MEGF11: variants seen among roughly 807,000 people sequenced by gnomAD.
MEGF11 encodes multiple epidermal growth factor-like domains protein 11.
Under a neutral mutation model 146.6 loss-of-function variants are expected in MEGF11, and 126 were observed. The observed-to-expected ratio is 0.86, with a 90% confidence interval of 0.74 to 1.00. MEGF11 has a LOEUF of 1.00. Among genes scored for constraint, MEGF11 ranks in the 50% least tolerant of loss-of-function variants. MEGF11 has a pLI of 0.00. For synonymous variants in MEGF11, 532 were observed against 583.4 expected, an observed-to-expected ratio of 0.91 and a Z score of 1.27; for missense variants, 1,509 against 1,521.2, an observed-to-expected ratio of 0.99 and a Z score of 0.13.
intron 1 of MEGF11, among the ~76,000 whole-genome samples, chr15:66,137,815 T>G (rs2088963574): frequency 6.6e-6 from 1 of 152,110 alleles, no homozygotes; most frequent in Admixed American, 6.5e-5. Context: ...CCCAAAGTGC[T>G]GGGATTACAG....
At position 65,982,128 on chromosome 15, in the gene MEGF11, A is replaced by C; in HGVS notation, c.641+114T>G. 82 of 1,224,342 alleles carry C rather than the reference A, an allele frequency of 6.7e-5. No homozygotes were observed. Among genetic ancestry groups the C allele is most frequent in the East Asian group, 3.8e-4 (10 of 26,142 alleles). 75.8% of individuals were successfully genotyped at this position (1,224,342 alleles called of 1,614,324 possible). On this transcript the variant is annotated intron_variant, in intron 6 of 25. Transcript: ENST00000395614. The surrounding 1 kb of genome is among the most constrained non-coding windows in gnomAD (Gnocchi z 5.6). ...CTGGGCGTGCAGCTGCGGTGAGGGC[A>C]GCCACTCCAGGCCCCGCCCCAGCCC...
chr15:65,944,158 G>A (rs1218818547), intron 10 of MEGF11, among the ~76,000 whole-genome samples: 2 of 152,172 alleles, frequency 1.3e-5, no homozygotes, highest in Admixed American at 6.5e-5. Context: ...GTTAGGAGGT[G>A]GCAGGGTGGG....
chr15:65,978,793 T>C (rs2081536383), intron 7 of MEGF11, among the ~76,000 whole-genome samples: 1 of 152,178 alleles, frequency 6.6e-6, no homozygotes, highest in Admixed American at 6.5e-5. Context: ...GACAGACAGA[T>C]GGACAGACAG....
intron 8 of MEGF11, among the ~76,000 whole-genome samples, chr15:65,970,054 T>A (rs2081251688): frequency 6.6e-6 from 1 of 152,306 alleles, no homozygotes; most frequent in African/African-American, 2.4e-5. Context: ...TTATCCACTC[T>A]GCAAGGCTGG....
chr15:66,121,906 T>G (rs1408006367), intron 3 of MEGF11, among the ~76,000 whole-genome samples: 1 of 152,174 alleles, frequency 6.6e-6, no homozygotes, highest in African/African-American at 2.4e-5. Context: ...AGGAACATAA[T>G]AGAATCCGGT....
At position 66,230,156 on chromosome 15, in the gene MEGF11, A is replaced by G. The variant is rs556654415; in HGVS notation, c.-9+23449T>C. Among the ~76,000 whole-genome samples the G allele has an allele frequency of 1.7e-3, 258 of 152,220 alleles. 2 individuals are homozygous for G. Among genetic ancestry groups the G allele is most frequent in the African/African-American group, 6.0e-3 (251 of 41,554 alleles). ...GCCTCCGAGCCCAGGCAAGCTCACAAACTAGCTGGGTAGAGGGGACTCTCT... is the reference window on the plus strand; with the variant it reads ...GCCTCCGAGCCCAGGCAAGCTCACAGACTAGCTGGGTAGAGGGGACTCTCT... On this transcript the variant is annotated intron_variant, in intron 1 of 25. Transcript: ENST00000395614.
At chr15:65,914,320 T>G (rs1730215036) in intron 19 of MEGF11, among the ~76,000 whole-genome samples, 1 of 152,182 alleles carries the variant, frequency 6.6e-6, no homozygotes, top group Non-Finnish European at 1.5e-5. Flanking sequence ...AACCAATTTA[T>G]CAAAAGGTTA....
intron 10 of MEGF11, among the ~76,000 whole-genome samples, chr15:65,944,467 G>C (rs2080118637): frequency 6.6e-6 from 1 of 152,176 alleles, no homozygotes; most frequent in Non-Finnish European, 1.5e-5. Context: ...GGGGCTGCAG[G>C]GTAAGGCAGT....
intron 4 of MEGF11, among the ~76,000 whole-genome samples, chr15:66,111,034 G>C (rs2087369504): frequency 6.6e-6 from 1 of 152,144 alleles, no homozygotes; most frequent in Non-Finnish European, 1.5e-5. Context: ...ACTGTAGGAG[G>C]GGAAAGTACA....
chr15:65,985,869 A>C (rs905188674), intron 5 of MEGF11, among the ~76,000 whole-genome samples: 1 of 151,946 alleles, frequency 6.6e-6, no homozygotes, highest in African/African-American at 2.4e-5. Context: ...ACACAATTCT[A>C]TTAAGCCTGG....
chr15:66,197,512 T>A (rs1567280489), intron 1 of MEGF11, among the ~76,000 whole-genome samples: 1 of 152,182 alleles, frequency 6.6e-6, no homozygotes, highest in Non-Finnish European at 1.5e-5. Flanking sequence ...AACCTCCGCC[T>A]CCCGGGTTCA....
At chr15:65,930,454 C>A (rs1463657824) in intron 11 of MEGF11, among the ~76,000 whole-genome samples, 2 of 152,164 alleles carry the variant, frequency 1.3e-5, no homozygotes, top group Non-Finnish European at 2.9e-5. Flanking sequence ...GGCGCAGCCC[C>A]TCTCTCCACG....
intron 1 of MEGF11, among the ~76,000 whole-genome samples, chr15:66,234,588 C>T (rs1444375473): frequency 6.6e-6 from 1 of 152,180 alleles, no homozygotes; most frequent in Non-Finnish European, 1.5e-5. Context: ...GGGCCCAGGC[C>T]CAGGCCCACC....
At chr15:65,918,870 A>G (rs543757017) in intron 15 of MEGF11, among the ~76,000 whole-genome samples, 133 of 152,292 alleles carry the variant, frequency 8.7e-4, no homozygotes, top group African/African-American at 3.2e-3. Context: ...TCCCTGTGCA[A>G]TTCATCCCCC....
chr15:66,037,545 G>A (rs940521060), intron 5 of MEGF11, among the ~76,000 whole-genome samples: 13 of 152,178 alleles, frequency 8.5e-5, no homozygotes, highest in African/African-American at 2.9e-4. Flanking sequence ...CACGTAGTAA[G>A]TGCTCTTTGA....
intron 5 of MEGF11, among the ~76,000 whole-genome samples, chr15:65,988,588 C>G (rs1264934110): frequency 6.6e-6 from 1 of 152,208 alleles, no homozygotes. Flanking sequence ...ATATAAGTAT[C>G]TTTTAGAGTC....
intron 1 of MEGF11, among the ~76,000 whole-genome samples, chr15:66,191,051 C>T (rs1364290141): frequency 6.6e-6 from 1 of 152,078 alleles, no homozygotes; most frequent in African/African-American, 2.4e-5. Flanking sequence ...GGCTGGACTT[C>T]CAGGGATGGA....
intron 1 of MEGF11, among the ~76,000 whole-genome samples, chr15:66,183,791 G>A (rs1389931045): frequency 1.3e-5 from 2 of 152,126 alleles, no homozygotes; most frequent in East Asian, 1.9e-4. Flanking sequence ...CTGAGGGTGT[G>A]CCCTTCCAAC....
At chr15:66,000,487 G>A (rs1272987621) in intron 5 of MEGF11, among the ~76,000 whole-genome samples, 1 of 151,930 alleles carries the variant, frequency 6.6e-6, no homozygotes, top group Non-Finnish European at 1.5e-5. Context: ...AGCTATAACT[G>A]CACCACTGCA....
Sources: allele counts gnomAD v4.1 joint callset (sites outside exome capture counted in the v4.1 genomes callset), GRCh38; gene constraint gnomAD v4.1.1; non-coding constraint Gnocchi (gnomAD v3.1); transcripts MANE v1.5; gene names NCBI Gene and HGNC (gene_info 2026-07-23, HGNC 2026-07-21).